Variants in SLC36A2 observed in about 807,000 individuals in gnomAD.
The protein encoded by SLC36A2 is proton-coupled amino acid transporter 2.
In SLC36A2, 39 loss-of-function variants were observed where a neutral mutation model predicts 42.7. That is an observed-to-expected ratio of 0.91 (90% CI 0.71 to 1.19). The LOEUF (loss-of-function observed/expected upper bound fraction) is 1.19. SLC36A2 is among the 50% of genes most tolerant of loss of function. SLC36A2 has a pLI of 0.00. For synonymous variants in SLC36A2, 237 were observed against 240.8 expected, an observed-to-expected ratio of 0.98 and a Z score of 0.15; for missense variants, 590 against 613.7, an observed-to-expected ratio of 0.96 and a Z score of 0.41.
At chr5:151,345,055 A>G (rs1406045232) in intron 1 of SLC36A2, among the ~76,000 whole-genome samples, 1 of 152,178 alleles carries the variant, frequency 6.6e-6, no homozygotes, top group Non-Finnish European at 1.5e-5. Flanking sequence ...CCTTTAAGAC[A>G]AATGCGAAGG....
chr5:151,335,331 G>A lies in SLC36A2; in HGVS notation c.742C>T (p.Gln248Ter). 6.2e-7 allele frequency: 1 copy of A among 1,610,738 alleles called. No homozygotes were observed. Among genetic ancestry groups the A allele is most frequent in the Non-Finnish European group, 8.5e-7 (1 of 1,178,304 alleles). ...GCAGGTGCATGGTGTGCACTCACCT[G>A]GGTAATGTACTGTATGATGATGACC... Reference protein sequence around the residue: ...SLVIIIQYITQEIPDPSRLPL... With the variant: ...SLVIIIQYIT The change falls in exon 6 of 10, where the codon CAG (glutamine) becomes TAG (stop). Residue 248 changes from glutamine (Q) to a stop codon, truncating the protein, a stop_gained and splice_region_variant. Coordinates refer to ENST00000335244, the MANE Select transcript of SLC36A2 (RefSeq NM_181776.3). LOFTEE classifies it high-confidence loss of function.
At chr5:151,335,923 G>A (rs1756142429) in intron 5 of SLC36A2, among the ~76,000 whole-genome samples, 1 of 151,466 alleles carries the variant, frequency 6.6e-6, no homozygotes, top group African/African-American at 2.4e-5. Flanking sequence ...AGCTACTCAG[G>A]AGGCTGAGGC....
At position 151,325,285 on chromosome 5, in the gene SLC36A2, C is replaced by T. The variant is rs1160936129; in HGVS notation, c.1010+1G>A. The T allele has an allele frequency of 9.3e-6, 15 of 1,613,036 alleles. No individual in the cohort carries two copies. In the Admixed American group the frequency reaches 2.5e-4, roughly 27 times the overall value. On this transcript the variant is annotated splice_donor_variant, in intron 8 of 9. Transcript: ENST00000335244. LOFTEE classifies it high-confidence loss of function. ...CACCACCTGACAGCCCATGAAGATA[C>T]CAGCAGTTAGGCAGGTTAAGGCTTA...
rs1042026077 is a variant in SLC36A2, at chr5:151,316,736, G to T, written c.*81C>A. 1 of 1,028,896 alleles carries T rather than the reference G, an allele frequency of 9.7e-7. No homozygotes were observed. Among genetic ancestry groups the T allele is most frequent in the Non-Finnish European group, 1.3e-6 (1 of 760,774 alleles). 63.7% of individuals were successfully genotyped at this position (1,028,896 alleles called of 1,614,324 possible). A position where few individuals can be genotyped will look rare whatever the true frequency, so the allele number is the denominator to read the frequency against. ...GTCTGGGCAACAAGACAGAAACTCC[G>T]TCTCAAAAAAAAAAAAAAAAAAAAA... On this transcript the variant is annotated 3_prime_UTR_variant, in exon 10 of 10. Coordinates refer to ENST00000335244, the MANE Select transcript of SLC36A2 (RefSeq NM_181776.3).
intron 5 of SLC36A2, 104 bp from the exon 6 acceptor site, chr5:151,335,651 G>A: frequency 1.2e-6 from 1 of 866,440 alleles, no homozygotes; most frequent in Non-Finnish European, 2.0e-6. Context: ...CAGTGAATGG[G>A]AGTGTCCCAC....
intron 9 of SLC36A2, chr5:151,321,824 C>T (rs775479376): frequency 4.6e-5 from 23 of 498,180 alleles, no homozygotes; most frequent in African/African-American, 1.2e-4. Context: ...ATTACAGGCA[C>T]GTGCCACCAC....
intron 7 of SLC36A2, among the ~76,000 whole-genome samples, chr5:151,328,909 T>A (rs1225596813): frequency 6.6e-6 from 1 of 152,204 alleles, no homozygotes; most frequent in Non-Finnish European, 1.5e-5. Flanking sequence ...TTCTTTCTCT[T>A]TTCACTCATT....
chr5:151,342,490 T>A (rs1258740200), intron 4 of SLC36A2, among the ~76,000 whole-genome samples: 2 of 152,200 alleles, frequency 1.3e-5, no homozygotes, highest in Non-Finnish European at 2.9e-5. Context: ...CCAGCCCTTC[T>A]TTCCTTCATC....
Position 151,347,427 on chromosome 5 carries a change from C to A in SLC36A2, c.34G>T (p.Gly12Ter). ...SVTKSTEGPQGAVAIKLDLMS... is the reference protein window; with the variant it reads ...SVTKSTEGPQ The stretch of plus-strand genomic sequence containing the variant: ...AGGTCCAATTTGATGGCAACGGCTC[C>A]CTGGGGACCCTCAGTACTTTTTGTC... The change falls in exon 1 of 10, where the codon GGA becomes TGA. Residue 12 changes from glycine to a stop codon, truncating the protein, a stop_gained. Coordinates refer to ENST00000335244, the MANE Select transcript of SLC36A2 (RefSeq NM_181776.3). LOFTEE classifies it high-confidence loss of function. 6.2e-7 allele frequency: 1 copy of A among 1,614,156 alleles called. No individual in the cohort carries two copies. The highest frequency in any genetic ancestry group is 8.5e-7 in the Non-Finnish European group (1 of 1,180,042).
At chr5:151,344,576 A>G (rs1756443433) in intron 1 of SLC36A2, among the ~76,000 whole-genome samples, 2 of 152,222 alleles carry the variant, frequency 1.3e-5, no homozygotes, top group South Asian at 2.1e-4. Context: ...CAAAGATACG[A>G]TTATCATCTT....
intron 2 of SLC36A2, 51 bp downstream of exon 2, chr5:151,344,126 C>A (rs767155061): frequency 6.4e-7 from 1 of 1,551,892 alleles, no homozygotes; most frequent in Admixed American, 1.7e-5. Flanking sequence ...TCTCCTCTTA[C>A]TTCCCTTCTG....
In SLC36A2 at chr5:151,347,533, T is replaced by C. The variant is rs1377352425; in HGVS notation, c.-73A>G. The C allele has an allele frequency of 4.5e-6, 7 of 1,571,744 alleles. No homozygotes were observed. The East Asian group carries it at 1.6e-4, about 35-fold the overall frequency. On this transcript the variant is annotated 5_prime_UTR_variant, in exon 1 of 10. Coordinates refer to ENST00000335244, the MANE Select transcript of SLC36A2 (RefSeq NM_181776.3). ...GGAAGGAGGGAAGCAGGAAGGTGTC[T>C]AGTGTAGATGTACACCCCAGCACAG... is the stretch of plus-strand genomic sequence containing the variant.
Position 151,342,989 on chromosome 5 carries a change from G to A in SLC36A2, c.345-6C>T, listed in dbSNP as rs1290263325. ...CCATAAAGGGCTTGTTAAGCCTGCA[G>A]GAGAGAGTGCATAAACGGTTTCCAA... On this transcript the variant is annotated splice_region_variant and splice_polypyrimidine_tract_variant and intron_variant, in intron 3 of 9. Coordinates refer to ENST00000335244, the MANE Select transcript of SLC36A2 (RefSeq NM_181776.3). 2.5e-6 allele frequency: 4 copies of A among 1,611,284 alleles called. No individual in the cohort carries two copies. Among genetic ancestry groups the A allele is most frequent in the Non-Finnish European group, 3.4e-6 (4 of 1,177,460 alleles).
chr5:151,321,639 A>G (rs189167138), intron 9 of SLC36A2, among the ~76,000 whole-genome samples: 85 of 151,844 alleles, frequency 5.6e-4, no homozygotes, highest in Non-Finnish European at 1.0e-3. Context: ...AGTGCTCAGT[A>G]AATGCTGATT....
chr5:151,343,100 G>A lies in SLC36A2; in HGVS notation c.345-117C>T, dbSNP rs1039612153. On this transcript the variant is annotated intron_variant, in intron 3 of 9. Transcript: ENST00000335244. ...ACAGCTAAAGAGCAGAAAGAACACA[G>A]GGGCAGAGACCTCGGGCTTTGACAC... 3 of 829,244 alleles carry A rather than the reference G, an allele frequency of 3.6e-6. No homozygotes were observed. In the African/African-American group the frequency reaches 5.1e-5, roughly 14 times the overall value. 51.4% of individuals were successfully genotyped at this position (829,244 alleles called of 1,614,324 possible). A position where few individuals can be genotyped will look rare whatever the true frequency, so the allele number is the denominator to read the frequency against.
Position 151,316,527 on chromosome 5 carries a change from G to C in SLC36A2, c.*290C>G. On this transcript the variant is annotated 3_prime_UTR_variant, in exon 10 of 10. Transcript: ENST00000335244. ...AGGCCGGGGTGGGTGGATCACCTGA[G>C]GTCGGGAGTTCAAGACCAGCCTGAC... The C allele has an allele frequency of 2.9e-6, 1 of 342,316 alleles. No homozygotes were observed. Among genetic ancestry groups the C allele is most frequent in the South Asian group, 2.9e-5 (1 of 35,002 alleles). The allele number at this position is 342,316 out of a possible 1,614,324, so 21.2% of individuals were successfully genotyped here. A position where few individuals can be genotyped will look rare whatever the true frequency, so the allele number is the denominator to read the frequency against.
intron 8 of SLC36A2, 178 bp downstream of exon 8, chr5:151,325,108 G>T: frequency 2.7e-6 from 2 of 743,494 alleles, no homozygotes; most frequent in South Asian, 3.0e-5. Context: ...GGAGGCTGTT[G>T]TTGAAGGAGG....
rs111552439 is a variant in SLC36A2, at chr5:151,321,906, G to C, written c.1180+140C>G. ...TTGGCCAGGCTTGTCTGAAACTCCTGACCTCAGGTGATCCACCCGCCTCGG... is the reference window on the plus strand; with the variant it reads ...TTGGCCAGGCTTGTCTGAAACTCCTCACCTCAGGTGATCCACCCGCCTCGG... On this transcript the variant is annotated intron_variant, in intron 9 of 9. Coordinates refer to ENST00000335244, the MANE Select transcript of SLC36A2 (RefSeq NM_181776.3). 5.1e-3 allele frequency: 5,196 copies of C among 1,015,262 alleles called. 151 individuals carry two copies. In the African/African-American group the frequency reaches 0.07, roughly 14 times the overall value. The allele number at this position is 1,015,262 out of a possible 1,614,324, so 62.9% of individuals were successfully genotyped here. A position where few individuals can be genotyped will look rare whatever the true frequency, so the allele number is the denominator to read the frequency against.
chr5:151,342,982 G>A lies in SLC36A2; in HGVS notation c.346C>T (p.Leu116Phe). The A allele has an allele frequency of 6.2e-7, 1 of 1,613,278 alleles. No homozygotes were observed. The highest frequency in any genetic ancestry group is 8.5e-7 in the Non-Finnish European group (1 of 1,179,234). The change falls in exon 4 of 10, where the codon CTT (leucine) becomes TTT (phenylalanine). Residue 116 changes from leucine to phenylalanine, a missense_variant and splice_region_variant. Leu to Phe is a conservative substitution (Grantham distance 22). Transcript: ENST00000335244. Reference protein sequence around the residue: ...VKCAQRFCKRLNKPFMDYGDT... With the variant: ...VKCAQRFCKRFNKPFMDYGDT... ...CCATAGTCCATAAAGGGCTTGTTAA[G>A]CCTGCAGGAGAGAGTGCATAAACGG...
Sources: gnomAD v4.1 joint callset for allele counts (sites outside exome capture counted in the v4.1 genomes callset) on GRCh38, gnomAD v4.1.1 for gene constraint, MANE v1.5 for transcripts, NCBI Gene and HGNC (gene_info 2026-07-23, HGNC 2026-07-21) for gene names.